NRBP1: variants seen among roughly 807,000 people sequenced by gnomAD.
NRBP1 encodes nuclear receptor binding protein 1.
In NRBP1, 10 loss-of-function variants were observed where a neutral mutation model predicts 76.0. That is an observed-to-expected ratio of 0.13 (90% confidence interval 0.08 to 0.22). The LOEUF is 0.22. Among genes scored for constraint, NRBP1 ranks in the 10% least tolerant of loss-of-function variants. The pLI, the probability that NRBP1 is intolerant of heterozygous loss-of-function variation, is 1.00. For missense variants in NRBP1, 344 were observed against 646.0 expected (o/e 0.53, Z 5.07); for synonymous variants, 235 against 240.2 (o/e 0.98, Z 0.20).
chr2:27,431,828 C>G (rs763885864), intron 1 of NRBP1: 1 of 152,332 alleles, frequency 6.6e-6, no homozygotes, highest in South Asian at 2.1e-4. Flanking sequence ...GTCATCTGTT[C>G]TGAATAGCGC....
chr2:27,439,163 TAA>T (rs1323977375), intron 10 of NRBP1, among the ~76,000 whole-genome samples: 1 of 151,982 alleles, frequency 6.6e-6, no homozygotes, highest in African/African-American at 2.4e-5. Context: ...GTGAGTTGAC[TAA>T]TAAAGCAGAG....
chr2:27,428,528 G>A (rs1468820250), upstream of NRBP1: 3 of 395,948 alleles, frequency 7.6e-6, no homozygotes, highest in Non-Finnish European at 1.3e-5. Flanking sequence ...AACGCCCGAG[G>A]GCCGGGCCCC....
Position 27,440,481 on chromosome 2 carries a change from G to T in NRBP1, c.1115G>T (p.Gly372Val). The T allele has an allele frequency of 3.1e-6, 5 of 1,614,070 alleles. No homozygotes were observed. Among genetic ancestry groups the T allele is most frequent in the Non-Finnish European group, 4.2e-6 (5 of 1,179,956 alleles). ...GCCGTACTGGCTGAAATCCCTGCAG[G>T]ACCAGGAAGAGAACCAGTTCAGACT... is the stretch of plus-strand genomic sequence containing the variant. ...TSAVLAEIPA[G>V]PGREPVQTLY... Residue 372 changes from glycine to valine, a missense_variant, in exon 12 of 18, where the codon GGA becomes GTA. Physicochemically the swap from Gly to Val is moderately radical, Grantham distance 109 (BLOSUM62 -3). This residue lies in a region of NRBP1 where 218 missense variants were observed against 309.8 expected (regional missense o/e 0.70). Coordinates refer to ENST00000379852, the MANE Select transcript of NRBP1 (RefSeq NM_013392.4).
intron 12 of NRBP1, 45 bp downstream of exon 12, chr2:27,440,553 A>G: frequency 1.9e-6 from 3 of 1,597,178 alleles, no homozygotes; most frequent in Non-Finnish European, 2.6e-6. Flanking sequence ...GGTCACGACC[A>G]CTCTTGAGGC....
intron 15 of NRBP1, 29 bp downstream of exon 15, chr2:27,441,209 G>T (rs1326267710): frequency 4.3e-6 from 7 of 1,614,024 alleles, no homozygotes; most frequent in African/African-American, 1.3e-5. Context: ...GTTGCGCAGG[G>T]CTAGTAGCCA....
chr2:27,442,247 C>A lies in NRBP1; in HGVS notation c.*435C>A. 1 of 637,062 alleles carries A rather than the reference C, an allele frequency of 1.6e-6. No individual in the cohort carries two copies. 39.5% of individuals were successfully genotyped at this position (637,062 alleles called of 1,614,324 possible). On this transcript the variant is annotated 3_prime_UTR_variant, in exon 18 of 18. Transcript: ENST00000379852. The stretch of plus-strand genomic sequence containing the variant: ...CAGTTGCTGCTGTAATAAAAGTCTA[C>A]TTTTTGCTAAAAGCGTCGTGTGTTC...
Position 27,441,877 on chromosome 2 carries a change from T to A in NRBP1, c.*65T>A. 1 of 948,140 alleles carries A rather than the reference T, an allele frequency of 1.1e-6. No homozygotes were observed. The allele number at this position is 948,140 out of a possible 1,614,324, so 58.7% of individuals were successfully genotyped here. ...CCCTGGACGTGCTGCAGCCCTCCTG[T>A]CCCTTCCCCCCAGTCAGTATTACCC... On this transcript the variant is annotated 3_prime_UTR_variant, in exon 18 of 18. Transcript: ENST00000379852.
Position 27,439,828 on chromosome 2 carries a change from G to T in NRBP1, c.966G>T (p.Leu322=). Residue 322 remains leucine, a synonymous_variant, in exon 11 of 18, where the codon CTG becomes CTT. Transcript: ENST00000379852. ...PARRPTAREL[L]FHPALFEVPS... ...GCAGACCAACAGCCAGAGAACTTCTGTTCCACCCAGCATTGTTTGAAGTGC... is the reference window on the plus strand; with the variant it reads ...GCAGACCAACAGCCAGAGAACTTCTTTTCCACCCAGCATTGTTTGAAGTGC... The T allele has an allele frequency of 6.2e-7, 1 of 1,614,082 alleles. No homozygotes were observed. Among genetic ancestry groups the T allele is most frequent in the Non-Finnish European group, 8.5e-7 (1 of 1,180,016 alleles).
rs1253206721 is a variant in NRBP1 at position 27,434,542 on chromosome 2, C to T, written c.507C>T (p.His169=). ...KQFLKKTKKN[H]KTMNEKAWKR... ...TTCTGAAGAAGACCAAAAAGAACCA[C>T]AAGACGATGAATGAAAAGGTATAGA... Residue 169 remains histidine (H), a synonymous_variant, in exon 5 of 18, where the codon CAC becomes CAT. Transcript: ENST00000379852. The T allele has an allele frequency of 6.2e-7, 1 of 1,613,858 alleles. No homozygotes were observed. The highest frequency in any genetic ancestry group is 8.5e-7 in the Non-Finnish European group (1 of 1,179,772).
intron 1 of NRBP1, chr2:27,429,367 G>A (rs908470687): frequency 6.6e-6 from 1 of 152,394 alleles, no homozygotes; most frequent in Non-Finnish European, 1.5e-5. Context: ...TCCGTTCAGG[G>A]TGAGGACAGC....
chr2:27,435,689 C>T lies in NRBP1; in HGVS notation c.661+462C>T, dbSNP rs974473130. 7.0e-6 allele frequency: 5 copies of T among 717,580 alleles called. No homozygotes were observed. The African/African-American group carries it at 8.7e-5, about 13-fold the overall frequency. The allele number at this position is 717,580 out of a possible 1,614,324, so 44.5% of individuals were successfully genotyped here. A position where few individuals can be genotyped will look rare whatever the true frequency, so the allele number is the denominator to read the frequency against. On this transcript the variant is annotated intron_variant, in intron 7 of 17. Coordinates refer to ENST00000379852, the MANE Select transcript of NRBP1 (RefSeq NM_013392.4). ...GCTCACAACTTTTCTCTGTTTTCCT[C>T]CCTCCCGCTTACGGGCTGCTCTGTT...
At chr2:27,439,359 C>A (rs890131808) in intron 10 of NRBP1, among the ~76,000 whole-genome samples, 1 of 151,902 alleles carries the variant, frequency 6.6e-6, no homozygotes, top group African/African-American at 2.4e-5. Flanking sequence ...GTGGTGGGCA[C>A]CTGTAGTCCC....
At chr2:27,440,255 C>A in intron 11 of NRBP1, 148 bp from the exon 12 acceptor site, 1 of 637,838 alleles carries the variant, frequency 1.6e-6, no homozygotes. Flanking sequence ...GTGATCTGTC[C>A]GCCTCGGCTT....
At chr2:27,432,518 G>A (rs546043003) in intron 1 of NRBP1, among the ~76,000 whole-genome samples, 9 of 151,216 alleles carry the variant, frequency 6.0e-5, no homozygotes, top group Non-Finnish European at 1.0e-4. Flanking sequence ...GGTCTCAAAT[G>A]CCTGGCCTGT....
chr2:27,436,964 TC>T (rs1265203474), intron 8 of NRBP1, 82 bp from the exon 9 acceptor site: 1 of 1,458,650 alleles, frequency 6.9e-7, no homozygotes, highest in African/African-American at 1.4e-5. Flanking sequence ...ATTTTTCTTT[TC>T]TTTTTTTTTT....
At position 27,437,041 on chromosome 2, in the gene NRBP1, C is replaced by A. The variant is rs773513456; in HGVS notation, c.746-6C>A. ...GATTAACCAAAGCCTTCTCTGTTTT[C>A]CCTAGAAGTCACTAATGTGACAACA... On this transcript the variant is annotated splice_polypyrimidine_tract_variant and splice_region_variant and intron_variant, in intron 8 of 17. Transcript: ENST00000379852. 6.2e-7 allele frequency: 1 copy of A among 1,612,766 alleles called. No homozygotes were observed. The highest frequency in any genetic ancestry group is 1.1e-5 in the South Asian group (1 of 91,054).
chr2:27,428,399 C>A (rs1663946589), upstream of NRBP1: 2 of 364,314 alleles, frequency 5.5e-6, no homozygotes, highest in African/African-American at 4.2e-5. Context: ...GCACCTGGAC[C>A]GGGCGGTGGG....
Position 27,433,671 on chromosome 2 carries a change from A to G in NRBP1, c.211-2A>G, listed in dbSNP as rs1185326033. 6.2e-7 allele frequency: 1 copy of G among 1,614,040 alleles called. No individual in the cohort carries two copies. The highest frequency in any genetic ancestry group is 1.3e-5 in the African/African-American group (1 of 74,936). ...TTCTCTTTCATATGAATTTCTTCTC[A>G]GGTGAATCAACGGAATGTACCAGGT... On this transcript the variant is annotated splice_acceptor_variant, in intron 2 of 17. Transcript: ENST00000379852. LOFTEE classifies it high-confidence loss of function.
At chr2:27,435,079 TC>T (rs1664252052) in intron 6 of NRBP1, 53 bp from the exon 7 acceptor site, 1 of 1,064,078 alleles carries the variant, frequency 9.4e-7, no homozygotes, top group Non-Finnish European at 1.4e-6. Flanking sequence ...ACCCTTGGGT[TC>T]CCCCTGCCCT....
Sources: gnomAD v4.1 joint callset for allele counts (sites outside exome capture counted in the v4.1 genomes callset) on GRCh38, gnomAD v4.1.1 for gene constraint, gnomAD v4.1.1 regional missense constraint, MANE v1.5 for transcripts, NCBI Gene and HGNC (gene_info 2026-07-23, HGNC 2026-07-21) for gene names.